Variants in PI4KA observed in about 807,000 individuals in gnomAD.
PI4KA encodes PI4-kinase alpha.
A neutral mutation model predicts 271.4 loss-of-function variants in PI4KA; 122 were observed. The observed-to-expected ratio is 0.45, with a 90% CI of 0.39 to 0.52. The LOEUF (loss-of-function observed/expected upper bound fraction) is 0.52, where lower values mean the gene tolerates loss of function less well. Ranked by LOEUF, PI4KA falls within the 20% of genes least tolerant of loss-of-function variation. PI4KA has a pLI of 0.00. For synonymous variants in PI4KA, 1,041 were observed against 1,078.8 expected (o/e 0.96, Z 0.69); for missense variants, 1,969 against 2,769.1 (o/e 0.71, Z 6.48).
chr22:20,830,340 G>A (rs1486813083), intron 3 of PI4KA, among the ~76,000 whole-genome samples: 2 of 120,284 alleles, frequency 1.7e-5, no homozygotes, highest in African/African-American at 7.0e-5. Flanking sequence ...GTATAAATTT[G>A]CTCCCGTGTT....
In PI4KA at chr22:20,718,753, TC is replaced by T. The variant is rs1366308687; in HGVS notation, c.5185del (p.Asp1729ThrfsTer40). On this transcript the variant is annotated frameshift_variant, in exon 44 of 55. Transcript: ENST00000255882. LOFTEE classifies it high-confidence loss of function. ...ITGSLSGPAK[D>X]FYQREFDFFN... ...GAAATCAAACTCCCGCTGGTAAAAG[TC>T]CTTCGCTGGGCCGGACAAGGAGCCT... 6.2e-7 allele frequency: 1 copy of T among 1,614,018 alleles called. No homozygotes were observed. The highest frequency in any genetic ancestry group is 1.1e-5 in the South Asian group (1 of 91,082).
intron 19 of PI4KA, among the ~76,000 whole-genome samples, chr22:20,786,362 GA>G (rs1419652363): frequency 6.6e-6 from 1 of 152,134 alleles, no homozygotes; most frequent in Non-Finnish European, 1.5e-5. Flanking sequence ...GGGCAGGGGG[GA>G]TCCCAAGAGC....
chr22:20,765,561 C>T lies in PI4KA; in HGVS notation c.2437+24G>A, dbSNP rs908849927. 5 of 1,477,380 alleles carry T rather than the reference C, an allele frequency of 3.4e-6. No individual in the cohort carries two copies. The Admixed American group carries it at 8.4e-5, about 25-fold the overall frequency. 91.5% of individuals were successfully genotyped at this position (1,477,380 alleles called of 1,614,324 possible). ...ACCTTCACTCTGCACTCCGTCTTCA[C>T]TGGGAGAGAGATGATCCCCCTACCT... is the stretch of plus-strand genomic sequence containing the variant. On this transcript the variant is annotated intron_variant, in intron 20 of 54. Transcript: ENST00000255882.
At chr22:20,726,251 C>A (rs1057070281) in intron 42 of PI4KA, 17 of 412,800 alleles carry the variant, frequency 4.1e-5, no homozygotes, top group Admixed American at 2.9e-4. Flanking sequence ...CTGGCAACAG[C>A]CCCAGAACCG....
Position 20,730,125 on chromosome 22 carries a change from C to A in PI4KA, c.4289-114G>T. On this transcript the variant is annotated intron_variant, in intron 36 of 54. Coordinates refer to ENST00000255882, the MANE Select transcript of PI4KA (RefSeq NM_058004.4). ...CAATTAGTGGCAGAGCAGGCATTTT[C>A]TGGAGTCCTGGAATCGACTGCAGGA... The A allele has an allele frequency of 2.6e-6, 3 of 1,175,912 alleles. No homozygotes were observed. The South Asian group carries it at 4.5e-5, about 18-fold the overall frequency. 72.8% of individuals were successfully genotyped at this position (1,175,912 alleles called of 1,614,324 possible).
At chr22:20,743,660 C>G (rs1929723681) in intron 30 of PI4KA, among the ~76,000 whole-genome samples, 1 of 151,856 alleles carries the variant, frequency 6.6e-6, no homozygotes, top group Admixed American at 6.6e-5. Context: ...CTTTTTTTTC[C>G]AGAGAGAAGA....
chr22:20,768,125 G>A (rs959277837), intron 19 of PI4KA, among the ~76,000 whole-genome samples: 14 of 152,142 alleles, frequency 9.2e-5, no homozygotes, highest in Non-Finnish European at 2.1e-4. Context: ...ATTCCCAGAC[G>A]GTGCGGCGGC....
intron 9 of PI4KA, among the ~76,000 whole-genome samples, chr22:20,810,508 CAA>C (rs780553411): frequency 5.2e-5 from 6 of 115,108 alleles, no homozygotes; most frequent in Admixed American, 9.3e-5. Flanking sequence ...GACTCCATCT[CAA>C]AAAAAAAAAA....
intron 23 of PI4KA, among the ~76,000 whole-genome samples, chr22:20,755,777 G>C (rs1568993481): frequency 1.3e-5 from 2 of 151,266 alleles, no homozygotes; most frequent in Non-Finnish European, 2.9e-5. Context: ...ACTCTAGGCT[G>C]GGTGACAGAG....
rs199765366 is a variant in PI4KA, at chr22:20,813,409, T to C, written c.954A>G (p.Thr318=). ...FSVSPLFNGV[T]YKEFNIPLEM... ...CCAATGGAATGTTAAACTCCTTATA[T>C]GTGACACCGTTGAAAAGGGGAGAGA... The change falls in exon 8 of 55, where the codon ACA becomes ACG. Residue 318 remains threonine, a synonymous_variant. Coordinates refer to ENST00000255882, the MANE Select transcript of PI4KA (RefSeq NM_058004.4). 2.5e-5 allele frequency: 41 copies of C among 1,613,740 alleles called. No homozygotes were observed. Among genetic ancestry groups the C allele is most frequent in the Middle Eastern group, 1.7e-4 (1 of 6,060 alleles).
At chr22:20,779,829 A>C (rs772287731) in intron 19 of PI4KA, 1 of 1,614,192 alleles carries the variant, frequency 6.2e-7, no homozygotes, top group Non-Finnish European at 8.5e-7. Context: ...GAAGGGAGAG[A>C]CCCATGAACA....
chr22:20,756,326 T>G lies in PI4KA; in HGVS notation c.2792-3146A>C, dbSNP rs146098999. On this transcript the variant is annotated intron_variant, in intron 23 of 54. Transcript: ENST00000255882. ...GGGTTGCATTCCCAGATTCAAGCAA[T>G]TCTCCTGTCTCAGCCTCCCGAGTAG... Among the ~76,000 whole-genome samples, 1,390 of 151,378 alleles carry G rather than the reference T, an allele frequency of 9.2e-3. 26 individuals are homozygous for G. The highest frequency in any genetic ancestry group is 0.032 in the African/African-American group (1,320 of 41,248).
rs1211171720 is a variant in PI4KA, at chr22:20,833,030, ATCT to A, written c.367+1529_367+1531del. ...ATCTTCATTGGCTAATGTTCTTTCA[ATCT>A]TTGAAGCTGCTGTCCTTTGGATGGA... is the stretch of plus-strand genomic sequence containing the variant. On this transcript the variant is annotated intron_variant, in intron 3 of 54. Coordinates refer to ENST00000255882, the MANE Select transcript of PI4KA (RefSeq NM_058004.4). Among the ~76,000 whole-genome samples the A allele has an allele frequency of 3.3e-5, 5 of 152,144 alleles. No homozygotes were observed. The East Asian group carries it at 9.7e-4, about 29-fold the overall frequency.
Position 20,713,408 on chromosome 22 carries a change from GGCCGCTGTTA to G in PI4KA, c.5462-28_5462-19del, listed in dbSNP as rs768233353. On this transcript the variant is annotated intron_variant, in intron 47 of 54. Coordinates refer to ENST00000255882, the MANE Select transcript of PI4KA (RefSeq NM_058004.4). ...CCGCAGACCTGCCCGCAGGGAGAGA[GGCCGCTGTTA>G]GCCTGTAGGCAGTGAGAAGCCCTCT... 7.6e-5 allele frequency: 118 copies of G among 1,552,566 alleles called. No homozygotes were observed. The highest frequency in any genetic ancestry group is 1.0e-4 in the Non-Finnish European group (116 of 1,144,606).
chr22:20,732,911 C>G (rs1928246077), intron 36 of PI4KA, 60 bp downstream of exon 36: 1 of 1,605,492 alleles, frequency 6.2e-7, no homozygotes, highest in East Asian at 2.2e-5. Context: ...TCGGGGCAGC[C>G]CACGTGGCAC....
chr22:20,739,776 T>C (rs1929191965), intron 32 of PI4KA, among the ~76,000 whole-genome samples: 1 of 151,930 alleles, frequency 6.6e-6, no homozygotes, highest in African/African-American at 2.4e-5. Flanking sequence ...AAAAAAGAAT[T>C]AAATGGCTGG....
chr22:20,825,486 T>C (rs1199211930), intron 3 of PI4KA, among the ~76,000 whole-genome samples: 2 of 152,104 alleles, frequency 1.3e-5, no homozygotes, highest in Non-Finnish European at 2.9e-5. Context: ...TCCCAGGTAC[T>C]TGGGAGGCTG....
intron 19 of PI4KA, 21 bp downstream of exon 19, chr22:20,793,172 A>G (rs768872848): frequency 2.1e-6 from 3 of 1,408,478 alleles, no homozygotes; most frequent in Non-Finnish European, 2.0e-6. Flanking sequence ...AGTTTTTATC[A>G]TTCAATTAAT....
chr22:20,730,110 C>T, intron 36 of PI4KA, 99 bp from the exon 37 acceptor site: 1 of 1,356,560 alleles, frequency 7.4e-7, no homozygotes, highest in Non-Finnish European at 1.0e-6. Context: ...CAATTAGTGG[C>T]AGAGCAGGCA....
Sources: gnomAD v4.1 joint callset for allele counts (sites outside exome capture counted in the v4.1 genomes callset) on GRCh38, gnomAD v4.1.1 for gene constraint, MANE v1.5 for transcripts, NCBI Gene and HGNC (gene_info 2026-07-23, HGNC 2026-07-21) for gene names.